Variants in AATF observed in about 807,000 individuals in gnomAD.
AATF encodes the protein protein AATF.
Under a neutral mutation model 63.7 loss-of-function variants are expected in AATF, and 48 were observed. The ratio of observed to expected loss-of-function variants is 0.75; its 90% CI spans 0.60 to 0.96. AATF has a LOEUF of 0.96. AATF is among the 40% of genes least tolerant of loss of function. The pLI, the probability that AATF is intolerant of heterozygous loss-of-function variation, is 0.00. For missense variants in AATF, 639 were observed against 685.7 expected, an observed-to-expected ratio of 0.93 and a Z score of 0.76; for synonymous variants, 258 against 247.7, an observed-to-expected ratio of 1.04 and a Z score of -0.39.
intron 5 of AATF, among the ~76,000 whole-genome samples, chr17:36,988,186 A>G (rs2071183575): frequency 1.3e-5 from 2 of 152,226 alleles, no homozygotes; most frequent in South Asian, 4.1e-4. Context: ...GCATGGTTGC[A>G]CACACCTGTA....
intron 2 of AATF, among the ~76,000 whole-genome samples, chr17:36,950,625 G>T (rs962671259): frequency 6.6e-6 from 1 of 152,074 alleles, no homozygotes; most frequent in South Asian, 2.1e-4. Flanking sequence ...TCAGCCTCCC[G>T]AGTAGCTGGG....
rs1567961425 is a variant in AATF at position 36,950,249 on chromosome 17, G to C, written c.127G>C (p.Gly43Arg). 6.2e-7 allele frequency: 1 copy of C among 1,614,160 alleles called. No individual in the cohort carries two copies. The highest frequency in any genetic ancestry group is 8.5e-7 in the Non-Finnish European group (1 of 1,180,006). The change falls in exon 2 of 12, where the codon GGG (glycine) becomes CGG (arginine). Residue 43 changes from glycine (G) to arginine (R), a missense_variant. By Grantham distance (125) the Gly-to-Arg change is moderately radical. Transcript: ENST00000619387. ...AARVIDRFDE[G>R]EDGEGDFLVV... ...CAGGGTGATTGACAGGTTTGATGAAGGGGAAGATGGGGAAGGTGATTTCCT... is the reference window on the plus strand; with the variant it reads ...CAGGGTGATTGACAGGTTTGATGAACGGGAAGATGGGGAAGGTGATTTCCT...
At chr17:36,987,091 G>A (rs1397450697) in intron 5 of AATF, among the ~76,000 whole-genome samples, 3 of 151,944 alleles carry the variant, frequency 2.0e-5, no homozygotes, top group African/African-American at 7.3e-5. Flanking sequence ...GGGCTTAAGC[G>A]GTCCTCCTGC....
intron 4 of AATF, among the ~76,000 whole-genome samples, chr17:36,957,383 C>T (rs939861464): frequency 2.0e-5 from 3 of 152,190 alleles, no homozygotes; most frequent in African/African-American, 4.8e-5. Context: ...TGGCAGTGTT[C>T]GACCATGTGA....
At chr17:37,046,423 G>T (rs1195614342) in intron 11 of AATF, among the ~76,000 whole-genome samples, 1 of 152,042 alleles carries the variant, frequency 6.6e-6, no homozygotes, top group Non-Finnish European at 1.5e-5. Context: ...TTGAACGCTC[G>T]GGGGGAGACT....
chr17:37,019,913 A>T (rs1441634726), intron 9 of AATF, among the ~76,000 whole-genome samples: 4 of 152,216 alleles, frequency 2.6e-5, no homozygotes, highest in Non-Finnish European at 4.4e-5. Context: ...TTAAGTGGTG[A>T]TTATATTGTA....
At chr17:36,964,173 T>G (rs111763186) in intron 4 of AATF, among the ~76,000 whole-genome samples, 4 of 136,858 alleles carry the variant, frequency 2.9e-5, no homozygotes, top group Middle Eastern at 3.5e-3. Context: ...TGTTTTGCTT[T>G]TTTTTTTTTT....
chr17:36,957,577 G>C (rs2070912302), intron 4 of AATF, among the ~76,000 whole-genome samples: 1 of 152,210 alleles, frequency 6.6e-6, no homozygotes, highest in East Asian at 1.9e-4. Context: ...GATGGCTACA[G>C]ATTTCCTTAT....
intron 4 of AATF, among the ~76,000 whole-genome samples, chr17:36,983,438 C>T (rs1329137370): frequency 3.3e-5 from 5 of 152,246 alleles, no homozygotes; most frequent in Admixed American, 3.3e-4. Flanking sequence ...ACCTCCACCT[C>T]ACGGGTCCAA....
intron 4 of AATF, among the ~76,000 whole-genome samples, chr17:36,972,084 G>A (rs1255798147): frequency 6.6e-6 from 1 of 152,054 alleles, no homozygotes; most frequent in Non-Finnish European, 1.5e-5. Context: ...GGGTATATGT[G>A]TGCTTATTCC....
At chr17:36,973,002 A>G (rs1281746260) in intron 4 of AATF, among the ~76,000 whole-genome samples, 1 of 152,174 alleles carries the variant, frequency 6.6e-6, no homozygotes, top group Non-Finnish European at 1.5e-5. Flanking sequence ...TTAATTAAGA[A>G]TCTTGGTGTT....
intron 4 of AATF, among the ~76,000 whole-genome samples, chr17:36,960,570 T>TC (rs986591463): frequency 6.6e-6 from 1 of 152,106 alleles, no homozygotes; most frequent in Non-Finnish European, 1.5e-5. Flanking sequence ...ATCACTGAAA[T>TC]CCCCCCCTTT....
chr17:37,005,587 T>G (rs1239671285), intron 8 of AATF, among the ~76,000 whole-genome samples: 1 of 152,244 alleles, frequency 6.6e-6, no homozygotes, highest in Non-Finnish European at 1.5e-5. Flanking sequence ...TCAGAATGAC[T>G]TCCTTTTTAT....
At position 36,949,060 on chromosome 17, in the gene AATF, T is replaced by C. The variant is rs2070829968; in HGVS notation, c.-66T>C. ...CGAGAGGATCCGGCAGGGAAGGAGC[T>C]TCGGGGCCGGGGGTTGGGCCGCACA... is the stretch of plus-strand genomic sequence containing the variant. On this transcript the variant is annotated 5_prime_UTR_variant, in exon 1 of 12. Coordinates refer to ENST00000619387, the MANE Select transcript of AATF (RefSeq NM_012138.4). 1 of 1,396,178 alleles carries C rather than the reference T, an allele frequency of 7.2e-7. No individual in the cohort carries two copies. Among genetic ancestry groups the C allele is most frequent in the Admixed American group, 2.0e-5 (1 of 49,492 alleles). The allele number at this position is 1,396,178 out of a possible 1,614,324, so 86.5% of individuals were successfully genotyped here.
intron 4 of AATF, among the ~76,000 whole-genome samples, chr17:36,962,828 A>G (rs186065282): frequency 1.1e-4 from 17 of 152,316 alleles, no homozygotes; most frequent in African/African-American, 4.1e-4. Context: ...GGCCAAAAGA[A>G]AAAGAGGGAG....
chr17:37,028,389 G>T (rs987251584), intron 10 of AATF, among the ~76,000 whole-genome samples: 1 of 151,960 alleles, frequency 6.6e-6, no homozygotes, highest in Non-Finnish European at 1.5e-5. Flanking sequence ...AGCCGTGATC[G>T]CACACTGCAC....
At chr17:36,997,145 A>G (rs1243135201) in intron 8 of AATF, among the ~76,000 whole-genome samples, 1 of 152,218 alleles carries the variant, frequency 6.6e-6, no homozygotes, top group African/African-American at 2.4e-5. Context: ...AGCCTCAAGT[A>G]TAGAGTTTGG....
intron 8 of AATF, among the ~76,000 whole-genome samples, chr17:36,999,672 T>A (rs1204303845): frequency 6.6e-6 from 1 of 152,072 alleles, no homozygotes; most frequent in Non-Finnish European, 1.5e-5. Flanking sequence ...TGAAACTGGT[T>A]ATGGTGAAAG....
At chr17:36,987,536 G>C (rs747622754) in intron 5 of AATF, among the ~76,000 whole-genome samples, 1 of 151,158 alleles carries the variant, frequency 6.6e-6, no homozygotes, top group African/African-American at 2.4e-5. Flanking sequence ...TTTTTCCCTC[G>C]AGCTTATCTT....
Sources: gnomAD v4.1 joint callset for allele counts (sites outside exome capture counted in the v4.1 genomes callset) on GRCh38, gnomAD v4.1.1 for gene constraint, MANE v1.5 for transcripts, NCBI Gene and HGNC (gene_info 2026-07-23, HGNC 2026-07-21) for gene names.